Variants in CUBN observed in about 807,000 individuals in gnomAD.
CUBN encodes cubilin, also known as 460 kDa receptor.
In CUBN, 282 loss-of-function variants were observed where a neutral mutation model predicts 405.3. The ratio of observed to expected loss-of-function variants is 0.70; its 90% CI spans 0.63 to 0.77. The LOEUF is 0.77. Ranked by LOEUF, CUBN falls within the 30% of genes least tolerant of loss-of-function variation. The pLI is 0.00. For synonymous variants in CUBN, 1,684 were observed against 1,617.0 expected (o/e 1.04, Z -0.99); for missense variants, 4,514 against 4,475.2 (o/e 1.01, Z -0.25).
intron 6 of CUBN, among the ~76,000 whole-genome samples, chr10:17,120,036 T>A (rs984565286): frequency 1.1e-4 from 16 of 152,176 alleles, no homozygotes; most frequent in African/African-American, 3.6e-4. Flanking sequence ...AGGTCCAAAC[T>A]CCAAAGCGAA....
At chr10:16,995,965 T>A (rs1463315350) in intron 28 of CUBN, among the ~76,000 whole-genome samples, 1 of 152,150 alleles carries the variant, frequency 6.6e-6, no homozygotes, top group Non-Finnish European at 1.5e-5. Flanking sequence ...CATGCTCATA[T>A]CACTTAGTGA....
rs765535376 is a variant in CUBN, at chr10:16,824,940, G to A, written c.*35C>T. ...AGAGTGCTGTCCAGCGTGCTGCAGA[G>A]GGAAAGTGCTGAGTGAACACGAGTT... On this transcript the variant is annotated 3_prime_UTR_variant, in exon 67 of 67. Coordinates refer to ENST00000377833, the MANE Select transcript of CUBN (RefSeq NM_001081.4). 1.4e-6 allele frequency: 2 copies of A among 1,459,948 alleles called. No individual in the cohort carries two copies. The allele number at this position is 1,459,948 out of a possible 1,614,324, so 90.4% of individuals were successfully genotyped here.
At chr10:16,964,097 G>T (rs914979171) in intron 31 of CUBN, among the ~76,000 whole-genome samples, 1 of 152,140 alleles carries the variant, frequency 6.6e-6, no homozygotes, top group Non-Finnish European at 1.5e-5. Flanking sequence ...TCTGGACAGG[G>T]AGAAGTTTTT....
At chr10:16,969,826 A>G (rs986000189) in intron 31 of CUBN, among the ~76,000 whole-genome samples, 1 of 152,166 alleles carries the variant, frequency 6.6e-6, no homozygotes, top group Admixed American at 6.5e-5. Context: ...CCAGAAGAGT[A>G]TGGGGATAGT....
intron 35 of CUBN, among the ~76,000 whole-genome samples, chr10:16,947,647 T>C (rs1842822641): frequency 6.6e-6 from 1 of 152,094 alleles, no homozygotes; most frequent in Non-Finnish European, 1.5e-5. Context: ...AAAAGACTTG[T>C]TTACCATCCT....
chr10:16,892,233 A>C (rs1265262263), intron 54 of CUBN, among the ~76,000 whole-genome samples: 1 of 152,226 alleles, frequency 6.6e-6, no homozygotes, highest in Non-Finnish European at 1.5e-5. Context: ...TACTGAAGAC[A>C]AATTATATTA....
At position 16,840,550 on chromosome 10, in the gene CUBN, A is replaced by G; in HGVS notation, c.9827-15T>C. 1.3e-6 allele frequency: 2 copies of G among 1,558,268 alleles called. No individual in the cohort carries two copies. Among genetic ancestry groups the G allele is most frequent in the Non-Finnish European group, 8.7e-7 (1 of 1,144,282 alleles). ...ACCACAAGGCACTGGAGAGGGAGGAAAAAGCAACACAGGAGACATTTTATT... is the reference window on the plus strand; with the variant it reads ...ACCACAAGGCACTGGAGAGGGAGGAGAAAGCAACACAGGAGACATTTTATT... On this transcript the variant is annotated splice_polypyrimidine_tract_variant and intron_variant, in intron 61 of 66. Transcript: ENST00000377833.
chr10:17,108,205 A>G (rs944985133), intron 10 of CUBN, among the ~76,000 whole-genome samples: 1 of 152,244 alleles, frequency 6.6e-6, no homozygotes, highest in Admixed American at 6.5e-5. Flanking sequence ...TGCTATTATT[A>G]TCCTCATTTT....
intron 4 of CUBN, among the ~76,000 whole-genome samples, chr10:17,124,461 CT>C (rs768029702): frequency 6.6e-6 from 1 of 150,694 alleles, no homozygotes; most frequent in East Asian, 1.9e-4. Flanking sequence ...CGGAGTCTTG[CT>C]CTGTCGCCCA....
At chr10:17,106,288 G>C (rs1467291954) in intron 10 of CUBN, among the ~76,000 whole-genome samples, 2 of 147,708 alleles carry the variant, frequency 1.4e-5, no homozygotes, top group African/African-American at 5.0e-5. Context: ...CCATTTCCAA[G>C]AAAAAATTTT....
At position 16,835,011 on chromosome 10, in the gene CUBN, C is replaced by G; in HGVS notation, c.10362+3G>C. The G allele has an allele frequency of 6.2e-7, 1 of 1,612,852 alleles. No homozygotes were observed. Among genetic ancestry groups the G allele is most frequent in the African/African-American group, 1.3e-5 (1 of 74,994 alleles). ...ATTCAAACGATATTCAAATGCATAT[C>G]ACCTCCAAGAAATCGTTTCTGCATT... On this transcript the variant is annotated splice_donor_region_variant and intron_variant, in intron 64 of 66. Coordinates refer to ENST00000377833, the MANE Select transcript of CUBN (RefSeq NM_001081.4).
intron 64 of CUBN, 69 bp from the exon 65 acceptor site, chr10:16,831,486 A>G (rs1244175002): frequency 1.5e-6 from 2 of 1,335,306 alleles, no homozygotes; most frequent in Non-Finnish European, 2.2e-6. Context: ...TAAAATGGAG[A>G]CAATTTGAAT....
intron 28 of CUBN, among the ~76,000 whole-genome samples, chr10:17,003,175 C>G (rs1396164377): frequency 1.3e-5 from 2 of 152,118 alleles, no homozygotes; most frequent in African/African-American, 4.8e-5. Flanking sequence ...CTACCAAAAC[C>G]AAGCAGGATT....
At chr10:16,825,886 C>T (rs935951923) in intron 66 of CUBN, among the ~76,000 whole-genome samples, 2 of 149,996 alleles carry the variant, frequency 1.3e-5, no homozygotes, top group Non-Finnish European at 3.0e-5. Flanking sequence ...CCAAGATACT[C>T]ACTTACTCAA....
In CUBN at chr10:17,068,217, T is replaced by G; in HGVS notation, c.2855A>C (p.Tyr952Ser). The change falls in exon 21 of 67, where the codon TAC (tyrosine) becomes TCC (serine). Residue 952 changes from tyrosine to serine, a missense_variant. Around this residue, in one of 5 missense-constraint regions of CUBN, gnomAD observed 1,448 missense variants for 1,388.0 expected, o/e 1.04. Coordinates refer to ENST00000377833, the MANE Select transcript of CUBN (RefSeq NM_001081.4). Reference sequence around the variant, plus strand: ...CCAAGTACAGTTGATACCGTGGGGGTAGACATTTGGATGGCCAGGACTTTG... The same window carrying G: ...CCAAGTACAGTTGATACCGTGGGGGGAGACATTTGGATGGCCAGGACTTTG... ...TIQSPGHPNV[Y>S]PHGINCTWHI... 7.4e-6 allele frequency: 12 copies of G among 1,613,714 alleles called. No homozygotes were observed. Among genetic ancestry groups the G allele is most frequent in the Non-Finnish European group, 1.0e-5 (12 of 1,179,722 alleles).
intron 58 of CUBN, 39 bp from the exon 59 acceptor site, chr10:16,869,892 G>T: frequency 7.0e-7 from 1 of 1,425,310 alleles, no homozygotes; most frequent in Non-Finnish European, 9.9e-7. Flanking sequence ...GTTTCCATTT[G>T]GACTTCTATT....
chr10:16,966,903 G>C (rs74860777), intron 31 of CUBN, among the ~76,000 whole-genome samples: 14,110 of 152,228 alleles, frequency 0.093, 851 homozygotes, highest in African/African-American at 0.17. Context: ...TTTGAGGATC[G>C]AGAGTCCATG....
chr10:16,910,172 CTTT>C (rs1313177871), intron 48 of CUBN, among the ~76,000 whole-genome samples: 1 of 150,852 alleles, frequency 6.6e-6, no homozygotes, highest in African/African-American at 2.4e-5. Context: ...TATTGTTCTT[CTTT>C]TTTTCTCCTT....
In CUBN at chr10:16,928,270, A is replaced by G. The variant is rs372771598; in HGVS notation, c.6158T>C (p.Leu2053Pro). ...DNNLAQQLAV[L>P]CGREIPGPIR... ...GGGCCCAGGGATCTCTCTGCCACAGAGAACTGCTAGCTGCTGGGCCAAGTT... is the reference window on the plus strand; with the variant it reads ...GGGCCCAGGGATCTCTCTGCCACAGGGAACTGCTAGCTGCTGGGCCAAGTT... The change falls in exon 41 of 67, where the codon CTC becomes CCC. Residue 2053 changes from leucine (L) to proline (P), a missense_variant. Around this residue, in one of 5 missense-constraint regions of CUBN, gnomAD observed 1,613 missense variants for 1,542.8 expected, o/e 1.05. Coordinates refer to ENST00000377833, the MANE Select transcript of CUBN (RefSeq NM_001081.4). 1.2e-6 allele frequency: 2 copies of G among 1,613,852 alleles called. No homozygotes were observed. The highest frequency in any genetic ancestry group is 8.5e-7 in the Non-Finnish European group (1 of 1,179,894).
Sources: gnomAD v4.1 joint callset for allele counts (sites outside exome capture counted in the v4.1 genomes callset) on GRCh38, gnomAD v4.1.1 for gene constraint, gnomAD v4.1.1 regional missense constraint, MANE v1.5 for transcripts, NCBI Gene and HGNC (gene_info 2026-07-23, HGNC 2026-07-21) for gene names.